ZKSCAN5: variants seen among roughly 807,000 people sequenced by gnomAD.
ZKSCAN5 encodes the protein zinc finger with KRAB and SCAN domains 5, also known as zinc finger protein with KRAB and SCAN domains 5.
Under a neutral mutation model 60.0 loss-of-function variants are expected in ZKSCAN5, and 28 were observed. The observed-to-expected ratio is 0.47, with a 90% confidence interval of 0.35 to 0.64. The LOEUF is 0.64. ZKSCAN5 is among the 30% of genes least tolerant of loss of function. The pLI, the probability that ZKSCAN5 is intolerant of heterozygous loss-of-function variation, is 0.01. For synonymous variants in ZKSCAN5, 361 were observed against 371.2 expected (o/e 0.97, Z 0.31); for missense variants, 881 against 1,034.6 (o/e 0.85, Z 2.04).
At position 99,525,902 on chromosome 7, in the gene ZKSCAN5, A is replaced by G; in HGVS notation, c.862A>G (p.Arg288Gly). The change falls in exon 6 of 7, where the codon AGG (arginine) becomes GGG (glycine). Residue 288 changes from arginine to glycine, a missense_variant. Around this residue, in one of 5 missense-constraint regions of ZKSCAN5, gnomAD observed 490 missense variants for 554.5 expected, o/e 0.88. Coordinates refer to ENST00000326775, the MANE Select transcript of ZKSCAN5 (RefSeq NM_145102.4). ...CTGGGTGGCGCCAGAACACACCGAA[A>G]GGAGCGTTCCTCAGGATCCAGACTT... Reference protein sequence around the residue: ...SHWVAPEHTERSVPQDPDFAE... With the variant: ...SHWVAPEHTEGSVPQDPDFAE... 1 of 1,614,098 alleles carries G rather than the reference A, an allele frequency of 6.2e-7. No homozygotes were observed. The highest frequency in any genetic ancestry group is 8.5e-7 in the Non-Finnish European group (1 of 1,180,026).
chr7:99,523,464 T>C (rs1241315660), intron 5 of ZKSCAN5, among the ~76,000 whole-genome samples: 8 of 152,042 alleles, frequency 5.3e-5, no homozygotes, highest in African/African-American at 1.9e-4. Flanking sequence ...TTACAAAATA[T>C]ACAAAAATTA....
chr7:99,512,541 A>C lies in ZKSCAN5; in HGVS notation c.503A>C (p.Asp168Ala), dbSNP rs1183245407. The change falls in exon 3 of 7, where the codon GAC becomes GCC. Residue 168 changes from aspartate to alanine, a missense_variant. Asp to Ala is a moderately radical substitution (Grantham distance 126, BLOSUM62 -2). Coordinates refer to ENST00000326775, the MANE Select transcript of ZKSCAN5 (RefSeq NM_145102.4). ...ESCSPHPLTV[D>A]TQPEQAPQKP... ...TGCAGCCCCCATCCCCTGACCGTGG[A>C]CACCCAGCCTGAGCAAGCGCCACAG... 1 of 1,614,142 alleles carries C rather than the reference A, an allele frequency of 6.2e-7. No homozygotes were observed. The highest frequency in any genetic ancestry group is 2.2e-5 in the East Asian group (1 of 44,884).
At chr7:99,511,666 C>G (rs925916358) in intron 2 of ZKSCAN5, among the ~76,000 whole-genome samples, 1 of 152,040 alleles carries the variant, frequency 6.6e-6, no homozygotes, top group African/African-American at 2.4e-5. Flanking sequence ...TTGTCTTGAA[C>G]TCCTGGGCTC....
At chr7:99,531,017 A>G (rs1802015506) in intron 6 of ZKSCAN5, 91 bp from the exon 7 acceptor site, 3 of 1,195,392 alleles carry the variant, frequency 2.5e-6, no homozygotes, top group East Asian at 4.7e-5. Context: ...AGATCGCATC[A>G]TTGCACTCTA....
At position 99,525,833 on chromosome 7, in the gene ZKSCAN5, A is replaced by T. The variant is rs1801755437; in HGVS notation, c.793A>T (p.Met265Leu). The T allele has an allele frequency of 1.9e-6, 3 of 1,612,648 alleles. No homozygotes were observed. The highest frequency in any genetic ancestry group is 2.5e-6 in the Non-Finnish European group (3 of 1,178,866). The stretch of plus-strand genomic sequence containing the variant: ...TTCAGGTTATGAGTCCAGGGACAAT[A>T]TGGAGCTCATAGTGAAGCAGATTTC... ...TSMGYESRDN[M>L]ELIVKQISDD... Residue 265 changes from methionine to leucine, a missense_variant, in exon 6 of 7, where the codon ATG becomes TTG. Met to Leu is a conservative substitution (Grantham distance 15, BLOSUM62 2). Around this residue, in one of 5 missense-constraint regions of ZKSCAN5, gnomAD observed 490 missense variants for 554.5 expected, o/e 0.88. Transcript: ENST00000326775.
intron 6 of ZKSCAN5, 86 bp from the exon 7 acceptor site, chr7:99,531,022 A>C (rs969081136): frequency 1.6e-5 from 20 of 1,239,162 alleles, no homozygotes; most frequent in Non-Finnish European, 2.3e-5. Context: ...GCATCATTGC[A>C]CTCTAGCCTG....
intron 6 of ZKSCAN5, 92 bp downstream of exon 6, chr7:99,526,510 G>T: frequency 6.7e-7 from 1 of 1,502,912 alleles, no homozygotes; most frequent in Non-Finnish European, 8.8e-7. Flanking sequence ...GATGGGTGGT[G>T]ATACTGGGGG....
At chr7:99,521,238 C>T (rs1183859621) in intron 5 of ZKSCAN5, among the ~76,000 whole-genome samples, 1 of 152,150 alleles carries the variant, frequency 6.6e-6, no homozygotes. Context: ...CACTCTGTCT[C>T]CCAGGCTGGA....
At chr7:99,507,553 GTA>G (rs1158989790) in intron 2 of ZKSCAN5, among the ~76,000 whole-genome samples, 1 of 147,562 alleles carries the variant, frequency 6.8e-6, no homozygotes, top group African/African-American at 2.5e-5. Context: ...GTATATATAT[GTA>G]TATATATGTG....
intron 2 of ZKSCAN5, among the ~76,000 whole-genome samples, chr7:99,510,547 C>T (rs1055776291): frequency 1.3e-5 from 2 of 151,960 alleles, no homozygotes; most frequent in African/African-American, 2.4e-5. Context: ...CGGGTTCAAG[C>T]GATTCTCCTG....
intron 3 of ZKSCAN5, among the ~76,000 whole-genome samples, 191 bp downstream of exon 3, chr7:99,512,782 G>T (rs528783262): frequency 6.6e-6 from 1 of 151,976 alleles, no homozygotes; most frequent in Middle Eastern, 3.4e-3. Context: ...TTCCTAGAAT[G>T]GCTAGGAATT....
intron 3 of ZKSCAN5, among the ~76,000 whole-genome samples, chr7:99,512,984 C>T (rs552699625): frequency 4.4e-5 from 5 of 114,002 alleles, no homozygotes; most frequent in East Asian, 3.3e-4. Context: ...CCCCTCCCCC[C>T]ACCCCACAAC....
chr7:99,505,810 T>G, intron 1 of ZKSCAN5, 195 bp from the exon 2 acceptor site: 2 of 429,138 alleles, frequency 4.7e-6, no homozygotes, highest in East Asian at 4.3e-5. Flanking sequence ...CTTATTATCA[T>G]TTTGTGGGTG....
rs1416050782 is a variant in ZKSCAN5, at chr7:99,512,557, A to G, written c.519A>G (p.Gln173=). 1 of 1,614,040 alleles carries G rather than the reference A, an allele frequency of 6.2e-7. No homozygotes were observed. Among genetic ancestry groups the G allele is most frequent in the African/African-American group, 1.3e-5 (1 of 74,922 alleles). The change falls in exon 3 of 7, where the codon CAA becomes CAG. Residue 173 remains glutamine, a synonymous_variant. Transcript: ENST00000326775. The part of the protein sequence containing the change: ...HPLTVDTQPE[Q]APQKPRLLEE... ...TGACCGTGGACACCCAGCCTGAGCA[A>G]GCGCCACAGAAGCCTCGTCTCCTGG...
Position 99,532,299 on chromosome 7 carries a change from A to G in ZKSCAN5, c.*50A>G, listed in dbSNP as rs539388930. On this transcript the variant is annotated 3_prime_UTR_variant, in exon 7 of 7. Transcript: ENST00000326775. ...CTTCCTGGAGGGAAACCATACTCCT[A>G]TAATGAGCAAAGTAACAACTTCAAG... is the stretch of plus-strand genomic sequence containing the variant. 52 of 1,488,110 alleles carry G rather than the reference A, an allele frequency of 3.5e-5. No individual in the cohort carries two copies. The South Asian group carries it at 6.4e-4, about 18-fold the overall frequency. 92.2% of individuals were successfully genotyped at this position (1,488,110 alleles called of 1,614,324 possible). A position where few individuals can be genotyped will look rare whatever the true frequency, so the allele number is the denominator to read the frequency against.
chr7:99,510,680 G>T (rs113036675), intron 2 of ZKSCAN5, among the ~76,000 whole-genome samples: 12,773 of 152,048 alleles, frequency 0.084, 856 homozygotes, highest in African/African-American at 0.19. Context: ...CTGACCTCAG[G>T]TGATCTGCCC....
chr7:99,507,853 C>G (rs1800838043), intron 2 of ZKSCAN5, among the ~76,000 whole-genome samples: 1 of 151,960 alleles, frequency 6.6e-6, no homozygotes, highest in East Asian at 1.9e-4. Flanking sequence ...CTGCAGTGAG[C>G]TGTGATTTTG....
At chr7:99,515,980 C>T (rs1801248888) in intron 3 of ZKSCAN5, among the ~76,000 whole-genome samples, 1 of 151,868 alleles carries the variant, frequency 6.6e-6, no homozygotes, top group South Asian at 2.1e-4. Flanking sequence ...TCTTCTGAGC[C>T]ATCTCATCTT....
At chr7:99,511,018 A>G (rs1209719542) in intron 2 of ZKSCAN5, among the ~76,000 whole-genome samples, 4 of 152,200 alleles carry the variant, frequency 2.6e-5, no homozygotes, top group East Asian at 1.9e-4. Flanking sequence ...TGTTGGGATT[A>G]TAGGCATGAG....
Sources: gnomAD v4.1 joint callset for allele counts (sites outside exome capture counted in the v4.1 genomes callset) on GRCh38, gnomAD v4.1.1 for gene constraint, gnomAD v4.1.1 regional missense constraint, MANE v1.5 for transcripts, NCBI Gene and HGNC (gene_info 2026-07-23, HGNC 2026-07-21) for gene names.